Variants in BRINP3 observed in about 807,000 individuals in gnomAD.
BRINP3 encodes BMP/retinoic acid inducible neural specific 3.
BRINP3 carries 19 observed loss-of-function variants against 71.0 expected under a neutral mutation model. The ratio of observed to expected loss-of-function variants is 0.27; its 90% CI spans 0.19 to 0.39. The LOEUF is 0.39. Among genes scored for constraint, BRINP3 ranks in the 10% least tolerant of loss-of-function variants. BRINP3 has a pLI of 1.00. For synonymous variants in BRINP3, 380 were observed against 337.7 expected, an observed-to-expected ratio of 1.13 and a Z score of -1.37; for missense variants, 959 against 940.8, an observed-to-expected ratio of 1.02 and a Z score of -0.25.
chr1:190,158,530 G>A (rs749670704), intron 7 of BRINP3, among the ~76,000 whole-genome samples: 6 of 151,878 alleles, frequency 4.0e-5, no homozygotes, highest in South Asian at 2.1e-4. Context: ...CCTGGGTGAC[G>A]GGATCAATCA....
chr1:190,390,254 A>T (rs1671169698), intron 2 of BRINP3, among the ~76,000 whole-genome samples: 1 of 151,832 alleles, frequency 6.6e-6, no homozygotes, highest in South Asian at 2.1e-4. Context: ...GGTTGGAGGA[A>T]AGAGAGGGTG....
chr1:190,385,830 C>G (rs1396136050), intron 2 of BRINP3, among the ~76,000 whole-genome samples: 2 of 150,014 alleles, frequency 1.3e-5, no homozygotes, highest in Admixed American at 6.7e-5. Flanking sequence ...TGGAACCAAC[C>G]CAAATGTCCA....
At chr1:190,385,392 C>A (rs2102274102) in intron 2 of BRINP3, among the ~76,000 whole-genome samples, 1 of 151,976 alleles carries the variant, frequency 6.6e-6, no homozygotes, top group East Asian at 1.9e-4. Flanking sequence ...AAGAAATAAA[C>A]AAACAACCCC....
intron 6 of BRINP3, among the ~76,000 whole-genome samples, chr1:190,177,303 C>T (rs1340549422): frequency 6.7e-6 from 1 of 149,134 alleles, no homozygotes; most frequent in African/African-American, 2.5e-5. Flanking sequence ...GCTGGGACTA[C>T]AGGCGCCCAT....
chr1:190,311,804 T>C (rs2103026503), intron 2 of BRINP3, among the ~76,000 whole-genome samples: 1 of 149,718 alleles, frequency 6.7e-6, no homozygotes, highest in South Asian at 2.1e-4. Flanking sequence ...AAAGAGAGAG[T>C]GGAGAAATAA....
chr1:190,461,758 C>A (rs1676413913), intron 1 of BRINP3, among the ~76,000 whole-genome samples: 1 of 152,034 alleles, frequency 6.6e-6, no homozygotes, highest in Admixed American at 6.6e-5. Context: ...TACAGAGAAT[C>A]TGTATCCGAA....
chr1:190,147,472 A>G (rs1236336903), intron 7 of BRINP3, among the ~76,000 whole-genome samples: 1 of 152,192 alleles, frequency 6.6e-6, no homozygotes, highest in Non-Finnish European at 1.5e-5. Context: ...CACTTTATAT[A>G]TATGAAAGTC....
intron 6 of BRINP3, among the ~76,000 whole-genome samples, chr1:190,218,706 C>T (rs1198335341): frequency 1.3e-5 from 2 of 151,340 alleles, no homozygotes; most frequent in East Asian, 2.0e-4. Flanking sequence ...AACTTTGCAA[C>T]ATTTGATGAT....
chr1:190,398,845 T>C (rs2102345225), intron 2 of BRINP3, among the ~76,000 whole-genome samples: 1 of 152,146 alleles, frequency 6.6e-6, no homozygotes, highest in East Asian at 1.9e-4. Flanking sequence ...TGCCAAATCT[T>C]CCACCCTTTT....
intron 2 of BRINP3, among the ~76,000 whole-genome samples, chr1:190,400,263 A>C (rs571503257): frequency 6.6e-6 from 1 of 152,268 alleles, no homozygotes; most frequent in Admixed American, 6.5e-5. Context: ...ATTAAGATTA[A>C]CAGACAGAAT....
At chr1:190,102,359 A>C (rs1018456286) in intron 7 of BRINP3, among the ~76,000 whole-genome samples, 1 of 152,188 alleles carries the variant, frequency 6.6e-6, no homozygotes, top group Non-Finnish European at 1.5e-5. Flanking sequence ...TAACAATTCA[A>C]AATTAGTTTG....
chr1:190,286,971 C>T (rs1663473740), intron 2 of BRINP3, among the ~76,000 whole-genome samples: 1 of 151,688 alleles, frequency 6.6e-6, no homozygotes, highest in Admixed American at 6.6e-5. Context: ...GTAATCCAAG[C>T]ACTTTGGGAG....
intron 2 of BRINP3, among the ~76,000 whole-genome samples, chr1:190,389,785 A>C (rs1379955577): frequency 6.6e-6 from 1 of 151,860 alleles, no homozygotes. Flanking sequence ...CAACATGAAA[A>C]TTCTTGCTAA....
intron 2 of BRINP3, among the ~76,000 whole-genome samples, chr1:190,442,003 T>A (rs956203044): frequency 3.3e-5 from 5 of 152,176 alleles, no homozygotes; most frequent in African/African-American, 1.2e-4. Context: ...AGTAGATACA[T>A]TTTAATGTCA....
At chr1:190,162,275 C>T (rs901434871) in intron 6 of BRINP3, among the ~76,000 whole-genome samples, 9 of 151,302 alleles carry the variant, frequency 5.9e-5, no homozygotes, top group East Asian at 1.9e-4. Flanking sequence ...ACTGCAACCT[C>T]CACATCCAAG....
intron 6 of BRINP3, among the ~76,000 whole-genome samples, chr1:190,186,239 A>G (rs1363062646): frequency 2.0e-5 from 3 of 151,848 alleles, no homozygotes; most frequent in Non-Finnish European, 4.4e-5. Context: ...TTAGCCAGAC[A>G]TCGTGGCAGG....
At chr1:190,299,501 T>C (rs1417525949) in intron 2 of BRINP3, among the ~76,000 whole-genome samples, 1 of 151,670 alleles carries the variant, frequency 6.6e-6, no homozygotes, top group Non-Finnish European at 1.5e-5. Flanking sequence ...GTTACATATG[T>C]ATCCATGTGC....
chr1:190,152,708 A>G (rs1017853156), intron 7 of BRINP3, among the ~76,000 whole-genome samples: 4 of 151,962 alleles, frequency 2.6e-5, no homozygotes. Flanking sequence ...CTATGTCCTA[A>G]TCTTTCATCC....
chr1:190,426,009 A>C (rs917707749), intron 2 of BRINP3, among the ~76,000 whole-genome samples: 12 of 151,838 alleles, frequency 7.9e-5, no homozygotes, highest in Non-Finnish European at 1.6e-4. Context: ...TATTGCAAAA[A>C]AAGTTCTGCA....
Sources: gnomAD v4.1 joint callset for allele counts (sites outside exome capture counted in the v4.1 genomes callset) on GRCh38, gnomAD v4.1.1 for gene constraint, MANE v1.5 for transcripts, NCBI Gene and HGNC (gene_info 2026-07-23, HGNC 2026-07-21) for gene names.